Variants in CRTC1 observed in about 807,000 individuals in gnomAD.
CRTC1 encodes CREB regulated transcription coactivator 1.
Under a neutral mutation model 66.1 loss-of-function variants are expected in CRTC1, and 18 were observed. That is an observed-to-expected ratio of 0.27 (90% CI 0.19 to 0.40). The LOEUF (loss-of-function observed/expected upper bound fraction) is 0.40. CRTC1 is among the 10% of genes least tolerant of loss of function. The pLI, the probability that CRTC1 is intolerant of heterozygous loss-of-function variation, is 1.00. For synonymous variants in CRTC1, 416 were observed against 398.8 expected (o/e 1.04, Z -0.51); for missense variants, 669 against 887.9 (o/e 0.75, Z 3.13).
At chr19:18,775,552 G>A (rs2054968247) in intron 12 of CRTC1, 89 bp from the exon 13 acceptor site, 1 of 1,203,104 alleles carries the variant, frequency 8.3e-7, no homozygotes, top group African/African-American at 1.6e-5. Flanking sequence ...CCAGCTGCGG[G>A]CAGGACAGCC....
chr19:18,685,002 C>A (rs2052654247), intron 1 of CRTC1, among the ~76,000 whole-genome samples: 1 of 152,118 alleles, frequency 6.6e-6, no homozygotes, highest in African/African-American at 2.4e-5. Context: ...TCTCCTGCAT[C>A]CTGGGGCCTT....
intron 2 of CRTC1, 37 bp from the exon 3 acceptor site, chr19:18,745,786 A>T: frequency 6.2e-7 from 1 of 1,612,322 alleles, no homozygotes; most frequent in Non-Finnish European, 8.5e-7. Flanking sequence ...CATTGTTTGG[A>T]TTTCTCTCTC....
intron 10 of CRTC1, among the ~76,000 whole-genome samples, chr19:18,769,152 C>T (rs185418903): frequency 3.9e-5 from 6 of 152,324 alleles, no homozygotes; most frequent in South Asian, 4.1e-4. Context: ...GGGCGCAGGC[C>T]GGGGGCCGGG....
At chr19:18,693,387 TAAAAAA>T (rs58765850) in intron 1 of CRTC1, among the ~76,000 whole-genome samples, 1 of 145,902 alleles carries the variant, frequency 6.9e-6, no homozygotes, top group South Asian at 2.2e-4. Context: ...AGACACCGTC[TAAAAAA>T]AAAAAAATTC....
chr19:18,730,932 G>A (rs1399686609), intron 1 of CRTC1, among the ~76,000 whole-genome samples: 1 of 151,664 alleles, frequency 6.6e-6, no homozygotes, highest in Non-Finnish European at 1.5e-5. Flanking sequence ...GCCCTCCACA[G>A]TTCCGGGGCT....
At position 18,780,109 on chromosome 19, in the gene CRTC1, G is replaced by C; in HGVS notation, c.*2727G>C. The C allele has an allele frequency of 4.3e-6, 1 of 231,798 alleles. No homozygotes were observed. The highest frequency in any genetic ancestry group is 8.5e-6 in the Non-Finnish European group (1 of 117,126). 14.4% of individuals were successfully genotyped at this position (231,798 alleles called of 1,614,324 possible). A position where few individuals can be genotyped will look rare whatever the true frequency, so the allele number is the denominator to read the frequency against. On this transcript the variant is annotated 3_prime_UTR_variant, in exon 14 of 14. Transcript: ENST00000321949. ...TGATGTGAAAATACTGTGATTTGACGAGCCGCTTCCTGAGGGGCAGGCCCA... is the reference window on the plus strand; with the variant it reads ...TGATGTGAAAATACTGTGATTTGACCAGCCGCTTCCTGAGGGGCAGGCCCA...
chr19:18,691,816 C>T (rs941635604), intron 1 of CRTC1, among the ~76,000 whole-genome samples: 4 of 151,994 alleles, frequency 2.6e-5, no homozygotes, highest in African/African-American at 7.3e-5. Flanking sequence ...CGTGTTCAAG[C>T]GATCCTCCTG....
At chr19:18,737,338 G>A (rs796813021) in intron 1 of CRTC1, among the ~76,000 whole-genome samples, 9 of 152,232 alleles carry the variant, frequency 5.9e-5, no homozygotes, top group African/African-American at 2.2e-4. Context: ...GCTTGGTAGT[G>A]TCAGAGCTTC....
chr19:18,710,751 A>G (rs1482054856), intron 1 of CRTC1, among the ~76,000 whole-genome samples: 1 of 151,778 alleles, frequency 6.6e-6, no homozygotes, highest in African/African-American at 2.4e-5. Flanking sequence ...AGCTGGGATT[A>G]CAGGCACCCG....
intron 8 of CRTC1, among the ~76,000 whole-genome samples, chr19:18,762,223 G>A (rs945126720): frequency 6.6e-6 from 1 of 152,232 alleles, no homozygotes; most frequent in African/African-American, 2.4e-5. Flanking sequence ...CCGCCCGGGA[G>A]CTGCGCACCT....
At chr19:18,756,307 T>C (rs1344785835) in intron 6 of CRTC1, among the ~76,000 whole-genome samples, 1 of 113,714 alleles carries the variant, frequency 8.8e-6, no homozygotes, top group Admixed American at 1.3e-4. Context: ...CACTCCAGCC[T>C]GGGCACCAAG....
chr19:18,775,171 C>T (rs748161998), intron 12 of CRTC1, among the ~76,000 whole-genome samples, 185 bp downstream of exon 12: 2 of 152,250 alleles, frequency 1.3e-5, no homozygotes, highest in African/African-American at 4.8e-5. Flanking sequence ...GAGTCCCCGG[C>T]AGGGGTGGCC....
intron 6 of CRTC1, among the ~76,000 whole-genome samples, chr19:18,754,541 A>G (rs1196484037): frequency 4.6e-5 from 7 of 152,214 alleles, no homozygotes; most frequent in African/African-American, 1.7e-4. Context: ...TTGCTCCAAT[A>G]ATTTCTTCTT....
chr19:18,761,158 G>A (rs984945213), intron 8 of CRTC1, among the ~76,000 whole-genome samples: 2 of 152,210 alleles, frequency 1.3e-5, no homozygotes, highest in African/African-American at 4.8e-5. Context: ...GCCCTGCCCT[G>A]GTCAGAGCTA....
Position 18,704,315 on chromosome 19 carries a change from C to G in CRTC1, c.126+20487C>G, listed in dbSNP as rs190128818. On this transcript the variant is annotated intron_variant, in intron 1 of 13. Transcript: ENST00000321949. The stretch of plus-strand genomic sequence containing the variant: ...AGAGACGGGGGTCTTGCCATGTTGC[C>G]CAGGCTCAAGTGATCCACCCTCCTT... 3.4e-3 allele frequency among the ~76,000 whole-genome samples: 515 copies of G among 152,156 alleles called. 3 individuals are homozygous for G. Among genetic ancestry groups the G allele is most frequent in the African/African-American group, 0.012 (491 of 41,516 alleles).
At chr19:18,696,477 A>G (rs886832093) in intron 1 of CRTC1, among the ~76,000 whole-genome samples, 2 of 152,158 alleles carry the variant, frequency 1.3e-5, no homozygotes, top group African/African-American at 2.4e-5. Context: ...GTAACTCATG[A>G]GAAAGGGCCT....
At chr19:18,730,542 C>T (rs1433436266) in intron 1 of CRTC1, among the ~76,000 whole-genome samples, 6 of 152,096 alleles carry the variant, frequency 3.9e-5, no homozygotes, top group Non-Finnish European at 8.8e-5. Context: ...CTGGTTTGGG[C>T]TTCATCTGCA....
rs538439125 is a variant in CRTC1, at chr19:18,736,625, G to A, written c.127-6285G>A. Among the ~76,000 whole-genome samples, 18 of 152,146 alleles carry A rather than the reference G, an allele frequency of 1.2e-4. 1 individual carries two copies. The highest frequency in any genetic ancestry group is 3.4e-3 in the Middle Eastern group (1 of 294). On this transcript the variant is annotated intron_variant, in intron 1 of 13. Transcript: ENST00000321949. ...ACCCGTGCAAAGGCCCGGAGGTAGC[G>A]ACTGGTGGCTCCGGGAGGAAGCATG...
chr19:18,749,731 A>C (rs752423871), intron 4 of CRTC1, 50 bp from the exon 5 acceptor site: 6 of 1,483,054 alleles, frequency 4.0e-6, no homozygotes, highest in Middle Eastern at 1.7e-4. Context: ...GGACTATCGC[A>C]TTGTCTGCCT....
Sources: allele counts gnomAD v4.1 joint callset (sites outside exome capture counted in the v4.1 genomes callset), GRCh38; gene constraint gnomAD v4.1.1; transcripts MANE v1.5; gene names NCBI Gene and HGNC (gene_info 2026-07-23, HGNC 2026-07-21).